The following SHC3 variants were observed in gnomAD, a reference collection of about 807,000 sequenced individuals.
SHC3 encodes SHC adaptor protein 3.
SHC3 carries 15 observed loss-of-function variants against 60.4 expected under a neutral mutation model. That is an observed-to-expected ratio of 0.25 (90% confidence interval 0.17 to 0.38). SHC3 has a LOEUF of 0.38. Ranked by LOEUF, SHC3 falls within the 10% of genes least tolerant of loss-of-function variation. SHC3 has a pLI of 1.00. For synonymous variants in SHC3, 294 were observed against 325.9 expected (o/e 0.90, Z 1.05); for missense variants, 677 against 786.1 (o/e 0.86, Z 1.66).
intron 6 of SHC3, among the ~76,000 whole-genome samples, chr9:89,054,726 C>T (rs75504424): frequency 0.025 from 3,761 of 152,276 alleles, 72 homozygotes; most frequent in Middle Eastern, 0.051. Context: ...TTCCAAATGA[C>T]GCAAAATCTA....
intron 1 of SHC3, among the ~76,000 whole-genome samples, chr9:89,132,079 A>G (rs1232079480): frequency 2.0e-5 from 3 of 152,322 alleles, no homozygotes; most frequent in Middle Eastern, 6.8e-3. Flanking sequence ...TACAAAATCA[A>G]TGTGCAAAAA....
chr9:89,050,151 A>G (rs556974924), intron 7 of SHC3, among the ~76,000 whole-genome samples: 2 of 152,364 alleles, frequency 1.3e-5, no homozygotes, highest in African/African-American at 4.8e-5. Context: ...ATATTGGAAC[A>G]TTTTTATTAT....
chr9:89,087,428 G>A (rs999375622), intron 2 of SHC3, among the ~76,000 whole-genome samples: 1 of 152,068 alleles, frequency 6.6e-6, no homozygotes, highest in African/African-American at 2.4e-5. Context: ...ACCAAGCAGT[G>A]CTTAGAGGAA....
At chr9:89,163,143 G>C (rs1306510683) in intron 1 of SHC3, among the ~76,000 whole-genome samples, 5 of 149,620 alleles carry the variant, frequency 3.3e-5, no homozygotes, top group Non-Finnish European at 6.0e-5. Flanking sequence ...TACACTGTTG[G>C]TGGGACTGTA....
In SHC3 at chr9:89,143,729, C is replaced by T. The variant is rs141062286; in HGVS notation, c.475-31103G>A. Among the ~76,000 whole-genome samples the T allele has an allele frequency of 3.6e-3, 545 of 152,248 alleles. 4 individuals are homozygous for T. The highest frequency in any genetic ancestry group is 6.2e-3 in the Non-Finnish European group (423 of 68,024). On this transcript the variant is annotated intron_variant, in intron 1 of 11. Coordinates refer to ENST00000375835, the MANE Select transcript of SHC3 (RefSeq NM_016848.6). ...GATGGCTTTTAGGGCTGAATGAATG[C>T]TGCCGCTCTGAAATTGATCTTGCTA...
intron 11 of SHC3, among the ~76,000 whole-genome samples, chr9:89,023,381 C>A (rs1826236379): frequency 6.6e-6 from 1 of 152,192 alleles, no homozygotes; most frequent in Non-Finnish European, 1.5e-5. Flanking sequence ...TTCAGAAAGG[C>A]TGGGTTTATT....
intron 1 of SHC3, among the ~76,000 whole-genome samples, chr9:89,121,452 G>A (rs202191515): frequency 2.6e-5 from 4 of 152,060 alleles, no homozygotes; most frequent in Non-Finnish European, 5.9e-5. Flanking sequence ...CACCACGCTC[G>A]GCTAATTTTG....
intron 1 of SHC3, among the ~76,000 whole-genome samples, chr9:89,117,739 A>G (rs544819424): frequency 7.8e-4 from 118 of 152,048 alleles, no homozygotes; most frequent in Non-Finnish European, 1.4e-3. Flanking sequence ...TTCTCCTTTT[A>G]TTTTAATAAT....
intron 1 of SHC3, among the ~76,000 whole-genome samples, chr9:89,131,774 T>A (rs1826248567): frequency 6.6e-6 from 1 of 152,136 alleles, no homozygotes; most frequent in Non-Finnish European, 1.5e-5. Context: ...TAATAAGAGC[T>A]ATTTATGACA....
intron 2 of SHC3, among the ~76,000 whole-genome samples, chr9:89,111,595 C>A (rs907623575): frequency 8.7e-5 from 13 of 149,872 alleles, no homozygotes; most frequent in East Asian, 5.9e-4. Context: ...AAAAAAAAAA[C>A]AAAACATTAA....
At chr9:89,015,247 T>A (rs1361870229) in intron 11 of SHC3, among the ~76,000 whole-genome samples, 1 of 152,208 alleles carries the variant, frequency 6.6e-6, no homozygotes, top group Non-Finnish European at 1.5e-5. Flanking sequence ...GGTGTTGCCT[T>A]AACATTGACT....
intron 2 of SHC3, among the ~76,000 whole-genome samples, chr9:89,082,728 TA>T (rs751072663): frequency 7.9e-5 from 12 of 152,174 alleles, no homozygotes; most frequent in Non-Finnish European, 1.6e-4. Context: ...GGAGTCCTCC[TA>T]TGCCCCACGG....
At chr9:89,172,576 GAC>G (rs760737845) in intron 1 of SHC3, among the ~76,000 whole-genome samples, 24 of 134,890 alleles carry the variant, frequency 1.8e-4, no homozygotes, top group Non-Finnish European at 2.9e-4. Context: ...CACACACACA[GAC>G]ACACACACAC....
At chr9:89,053,275 T>C (rs759336026) in intron 6 of SHC3, among the ~76,000 whole-genome samples, 4 of 152,240 alleles carry the variant, frequency 2.6e-5, no homozygotes, top group African/African-American at 9.6e-5. Flanking sequence ...AAAAGCCGCG[T>C]TGGTCCCTGC....
intron 6 of SHC3, among the ~76,000 whole-genome samples, chr9:89,053,117 C>T (rs1314658419): frequency 6.6e-6 from 1 of 152,210 alleles, no homozygotes; most frequent in East Asian, 1.9e-4. Flanking sequence ...CTGAAGGAGC[C>T]ACAGGGCTGT....
intron 11 of SHC3, among the ~76,000 whole-genome samples, chr9:89,022,718 A>T (rs9410297): frequency 0.97 from 147,682 of 152,230 alleles, 71,739 homozygotes; most frequent in Middle Eastern, 1. Context: ...TCCTTATGAA[A>T]AATCATGAAA....
chr9:89,107,128 G>A (rs989193959), intron 2 of SHC3, among the ~76,000 whole-genome samples: 1 of 152,180 alleles, frequency 6.6e-6, no homozygotes, highest in African/African-American at 2.4e-5. Flanking sequence ...TTACATTCCA[G>A]TCACCCTGAT....
intron 4 of SHC3, among the ~76,000 whole-genome samples, chr9:89,073,743 T>C (rs1457034060): frequency 6.6e-6 from 1 of 152,126 alleles, no homozygotes; most frequent in Non-Finnish European, 1.5e-5. Context: ...TCTATTTTAC[T>C]GAGGTGGGAG....
intron 2 of SHC3, chr9:89,109,100 T>C: frequency 2.0e-6 from 2 of 985,634 alleles, no homozygotes; most frequent in Non-Finnish European, 2.4e-6. Flanking sequence ...TCTCTCAGCC[T>C]GGGCCAGGTC....
Sources: allele counts gnomAD v4.1 joint callset (sites outside exome capture counted in the v4.1 genomes callset), GRCh38; gene constraint gnomAD v4.1.1; transcripts MANE v1.5; gene names NCBI Gene and HGNC (gene_info 2026-07-23, HGNC 2026-07-21).